NPEPPS: variants seen among roughly 807,000 people sequenced by gnomAD.
NPEPPS encodes puromycin-sensitive aminopeptidase.
Under a neutral mutation model 115.5 loss-of-function variants are expected in NPEPPS, and 14 were observed. The observed-to-expected ratio is 0.12, with a 90% confidence interval of 0.08 to 0.19. The LOEUF (loss-of-function observed/expected upper bound fraction) is 0.19, where lower values mean the gene tolerates loss of function less well. Among genes scored for constraint, NPEPPS ranks in the 10% least tolerant of loss-of-function variants. The probability of loss-of-function intolerance (pLI) is 1.00; values close to 1 mark genes in which losing one functional copy is unlikely to be tolerated. For synonymous variants in NPEPPS, 285 were observed against 390.6 expected, an observed-to-expected ratio of 0.73 and a Z score of 3.19; for missense variants, 523 against 1,110.8, an observed-to-expected ratio of 0.47 and a Z score of 7.52.
chr17:47,569,298 A>AT, intron 2 of NPEPPS, 119 bp from the exon 3 acceptor site: 1 of 646,662 alleles, frequency 1.5e-6, no homozygotes, highest in Non-Finnish European at 2.8e-6. Context: ...TAGGAACTTA[A>AT]TTCACCAAAT....
chr17:47,527,833 C>G (rs1907500791), upstream of NPEPPS, among the ~76,000 whole-genome samples: 1 of 151,686 alleles, frequency 6.6e-6, no homozygotes, highest in Non-Finnish European at 1.5e-5. Context: ...CCTATAATCC[C>G]AGCTACTTAG....
intron 3 of NPEPPS, among the ~76,000 whole-genome samples, chr17:47,577,319 A>T (rs2143826691): frequency 6.6e-6 from 1 of 152,276 alleles, no homozygotes; most frequent in East Asian, 1.9e-4. Context: ...CCACTTATGG[A>T]ATTGTAACAT....
chr17:47,617,062 A>G (rs1914253658), intron 19 of NPEPPS, among the ~76,000 whole-genome samples: 1 of 152,156 alleles, frequency 6.6e-6, no homozygotes, highest in Admixed American at 6.5e-5. Context: ...GATTTTATAT[A>G]CATATATACT....
intron 1 of NPEPPS, among the ~76,000 whole-genome samples, chr17:47,543,954 G>A (rs1198183594): frequency 6.8e-6 from 1 of 148,046 alleles, no homozygotes; most frequent in Non-Finnish European, 1.5e-5. Flanking sequence ...GAGCGCAGTG[G>A]CACAATCTCC....
chr17:47,590,984 A>T (rs1453101341), intron 10 of NPEPPS, 103 bp downstream of exon 10: 1 of 1,466,212 alleles, frequency 6.8e-7, no homozygotes. Context: ...AAGAGAAAAT[A>T]GCATGGGTGA....
At chr17:47,559,045 AG>A (rs1312835711) in intron 2 of NPEPPS, among the ~76,000 whole-genome samples, 1 of 146,316 alleles carries the variant, frequency 6.8e-6, no homozygotes, top group East Asian at 2.2e-4. Context: ...CTCAAAAAAG[AG>A]GAAAAAAAAA....
At chr17:47,534,148 G>A (rs1204772732) in intron 1 of NPEPPS, among the ~76,000 whole-genome samples, 3 of 151,838 alleles carry the variant, frequency 2.0e-5, no homozygotes. Flanking sequence ...CTGGAGTGCA[G>A]TGGCACGATC....
intron 1 of NPEPPS, among the ~76,000 whole-genome samples, chr17:47,541,348 C>T (rs563885782): frequency 8.5e-5 from 13 of 152,052 alleles, no homozygotes; most frequent in African/African-American, 3.1e-4. Flanking sequence ...GAGCATACCC[C>T]AGTAAGTGCT....
At chr17:47,549,230 C>G (rs1393449784) in intron 2 of NPEPPS, among the ~76,000 whole-genome samples, 3 of 151,866 alleles carry the variant, frequency 2.0e-5, no homozygotes, top group Non-Finnish European at 4.4e-5. Flanking sequence ...GTAATCCCAG[C>G]TACTCGGGAG....
chr17:47,560,416 A>G (rs1910353228), intron 2 of NPEPPS, among the ~76,000 whole-genome samples: 1 of 152,212 alleles, frequency 6.6e-6, no homozygotes, highest in African/African-American at 2.4e-5. Context: ...CATTCTTTTT[A>G]GACTTTTTAG....
intron 2 of NPEPPS, chr17:47,557,566 C>T (rs1261507447): frequency 2.0e-5 from 3 of 148,798 alleles, no homozygotes; most frequent in Admixed American, 2.0e-4. Context: ...TGGCTTATTA[C>T]TTTTTAGTCC....
intron 13 of NPEPPS, among the ~76,000 whole-genome samples, chr17:47,598,471 G>A (rs1291831054): frequency 6.6e-6 from 1 of 151,836 alleles, no homozygotes; most frequent in Non-Finnish European, 1.5e-5. Flanking sequence ...GCAAGACCAT[G>A]TATTAAAAAA....
chr17:47,546,336 GGATCTAT>G (rs753280556), intron 2 of NPEPPS, among the ~76,000 whole-genome samples: 2 of 152,014 alleles, frequency 1.3e-5, no homozygotes, highest in Non-Finnish European at 2.9e-5. Context: ...TGAGGTGGGA[GGATCTAT>G]TGAGCCCAGG....
chr17:47,549,687 A>G (rs1909492646), intron 2 of NPEPPS, among the ~76,000 whole-genome samples: 1 of 148,730 alleles, frequency 6.7e-6, no homozygotes, highest in South Asian at 2.2e-4. Flanking sequence ...GGCTGAAGGC[A>G]GGAGAATCGC....
chr17:47,557,003 C>T (rs1910090873), intron 2 of NPEPPS, among the ~76,000 whole-genome samples: 2 of 152,188 alleles, frequency 1.3e-5, no homozygotes, highest in Admixed American at 1.3e-4. Context: ...TCTCAAAGAA[C>T]TAACCATTGC....
At chr17:47,573,845 C>T (rs1171066259) in intron 3 of NPEPPS, among the ~76,000 whole-genome samples, 1 of 151,948 alleles carries the variant, frequency 6.6e-6, no homozygotes, top group African/African-American at 2.4e-5. Context: ...CTGGAGCTTA[C>T]GTATTTTAAA....
At chr17:47,531,676 C>G in intron 1 of NPEPPS, 121 bp downstream of exon 1, 1 of 1,249,014 alleles carries the variant, frequency 8.0e-7, no homozygotes, top group South Asian at 2.8e-5. Context: ...TGGGCGGCCG[C>G]AGGGCGCCGG....
chr17:47,534,115 G>A (rs1350055532), intron 1 of NPEPPS, among the ~76,000 whole-genome samples: 5 of 150,680 alleles, frequency 3.3e-5, no homozygotes, highest in African/African-American at 7.3e-5. Flanking sequence ...TTTTTGAGAT[G>A]GAGTCTCGCT....
Position 47,601,735 on chromosome 17 carries a change from C to A in NPEPPS, c.1728C>A (p.Asp576Glu). Residue 576 changes from aspartate (D) to glutamate (E), a missense_variant, in exon 15 of 23, where the codon GAC (aspartate) becomes GAA (glutamate). Around this residue, in one of 4 missense-constraint regions of NPEPPS, gnomAD observed 372 missense variants for 542.6 expected, o/e 0.69. Transcript: ENST00000322157. The part of the protein sequence containing the change: ...MNVVLKNVKP[D>E]QWVKLNLGTV... ...TGGTTTTGAAAAATGTCAAACCAGA[C>A]CAATGGGTGAAGGTGAGTTCAGAAT... is the stretch of plus-strand genomic sequence containing the variant. 1 of 1,613,282 alleles carries A rather than the reference C, an allele frequency of 6.2e-7. No individual in the cohort carries two copies. The highest frequency in any genetic ancestry group is 1.1e-5 in the South Asian group (1 of 91,042).
Sources: gnomAD v4.1 joint callset for allele counts (sites outside exome capture counted in the v4.1 genomes callset) on GRCh38, gnomAD v4.1.1 for gene constraint, gnomAD v4.1.1 regional missense constraint, MANE v1.5 for transcripts, NCBI Gene and HGNC (gene_info 2026-07-23, HGNC 2026-07-21) for gene names.